The following RASGEF1C variants were observed in gnomAD, a reference collection of about 807,000 sequenced individuals.
RASGEF1C encodes ras-GEF domain-containing family member 1C.
RASGEF1C carries 27 observed loss-of-function variants against 58.1 expected under a neutral mutation model. The observed-to-expected ratio is 0.46, with a 90% CI of 0.34 to 0.64. The LOEUF is 0.64. RASGEF1C is among the 30% of genes least tolerant of loss of function. The probability of loss-of-function intolerance (pLI) is 0.01; values close to 1 mark genes in which losing one functional copy is unlikely to be tolerated. For missense variants in RASGEF1C, 502 were observed against 605.1 expected (o/e 0.83, Z 1.79); for synonymous variants, 243 against 246.3 (o/e 0.99, Z 0.13).
intron 1 of RASGEF1C, among the ~76,000 whole-genome samples, chr5:180,154,671 C>T (rs1766824143): frequency 6.6e-6 from 1 of 151,972 alleles, no homozygotes. Context: ...AGCTCTGCCT[C>T]CCAGGTTCAC....
chr5:180,145,802 G>A (rs1002626168), intron 1 of RASGEF1C, among the ~76,000 whole-genome samples: 1 of 152,198 alleles, frequency 6.6e-6, no homozygotes, highest in Admixed American at 6.5e-5. Flanking sequence ...TGGAGCTCAC[G>A]CTTCGAGCAT....
chr5:180,119,294 C>T, intron 8 of RASGEF1C, 52 bp downstream of exon 8: 1 of 1,464,058 alleles, frequency 6.8e-7, no homozygotes, highest in Non-Finnish European at 9.6e-7. Flanking sequence ...CCCACTCCGG[C>T]CTCTCGGGGG....
intron 6 of RASGEF1C, among the ~76,000 whole-genome samples, chr5:180,121,816 C>T (rs886803418): frequency 1.3e-5 from 2 of 152,204 alleles, no homozygotes; most frequent in Non-Finnish European, 1.5e-5. Context: ...AAGTCATGAG[C>T]GTCCGCAAGC....
At chr5:180,118,956 GGC>G in intron 8 of RASGEF1C, 90 bp from the exon 9 acceptor site, 1 of 1,225,558 alleles carries the variant, frequency 8.2e-7, no homozygotes, top group Non-Finnish European at 1.2e-6. Flanking sequence ...CCCTGACCAG[GGC>G]TGAGGTCTGC....
intron 1 of RASGEF1C, among the ~76,000 whole-genome samples, chr5:180,202,935 C>T (rs1286054933): frequency 1.3e-5 from 2 of 152,056 alleles, no homozygotes; most frequent in Admixed American, 6.6e-5. Flanking sequence ...ATCTCCTGAC[C>T]TCGTGATGCA....
intron 1 of RASGEF1C, among the ~76,000 whole-genome samples, chr5:180,170,323 G>A (rs1460058794): frequency 6.6e-6 from 1 of 152,184 alleles, no homozygotes; most frequent in East Asian, 1.9e-4. Flanking sequence ...CCAGGAGGCA[G>A]CTGCAAGGAG....
intron 1 of RASGEF1C, among the ~76,000 whole-genome samples, chr5:180,179,913 T>C (rs1411064547): frequency 6.6e-6 from 1 of 152,236 alleles, no homozygotes; most frequent in Admixed American, 6.5e-5. Flanking sequence ...TCTACATTCC[T>C]GGCTTTGCGT....
chr5:180,202,714 T>G (rs1756415169), intron 1 of RASGEF1C, among the ~76,000 whole-genome samples: 1 of 151,738 alleles, frequency 6.6e-6, no homozygotes, highest in Admixed American at 6.6e-5. Flanking sequence ...TTCTTTTTTT[T>G]TTTTTTTTGA....
At chr5:180,171,081 C>A (rs927325124) in intron 1 of RASGEF1C, among the ~76,000 whole-genome samples, 1 of 152,144 alleles carries the variant, frequency 6.6e-6, no homozygotes, top group Non-Finnish European at 1.5e-5. Flanking sequence ...GAGACGCGTG[C>A]AGCCAGGCAC....
At chr5:180,178,693 A>G (rs1233229097) in intron 1 of RASGEF1C, among the ~76,000 whole-genome samples, 3 of 152,158 alleles carry the variant, frequency 2.0e-5, no homozygotes. Flanking sequence ...GAAGTGCACC[A>G]TCACCAGCTG....
At chr5:180,181,691 G>GC (rs1767330500) in intron 1 of RASGEF1C, among the ~76,000 whole-genome samples, 4 of 152,210 alleles carry the variant, frequency 2.6e-5, no homozygotes, top group African/African-American at 4.8e-5. Context: ...TGTCCCATGA[G>GC]CCCCTGATCC....
Position 180,186,857 on chromosome 5 carries a change from T to C in RASGEF1C, c.-7+22171A>G, listed in dbSNP as rs553027393. On this transcript the variant is annotated intron_variant, in intron 1 of 13. Coordinates refer to ENST00000361132, the MANE Select transcript of RASGEF1C (RefSeq NM_175062.4). ...GGCACATGCCTGTAATGCCAGCTTC[T>C]CAGGAGGCTGAGGCAGAAGGTGGAG... Among the ~76,000 whole-genome samples the C allele has an allele frequency of 3.9e-5, 6 of 152,192 alleles. No individual in the cohort carries two copies. The South Asian group carries it at 1.0e-3, about 26-fold the overall frequency.
At chr5:180,111,378 A>G (rs1231284030) in intron 12 of RASGEF1C, 79 bp downstream of exon 12, 49 of 1,591,984 alleles carry the variant, frequency 3.1e-5, no homozygotes, top group Non-Finnish European at 4.0e-5. Flanking sequence ...TACTCAGAGC[A>G]GGGGTCCTGA....
chr5:180,201,728 C>G (rs761389775), intron 1 of RASGEF1C, among the ~76,000 whole-genome samples: 1 of 152,176 alleles, frequency 6.6e-6, no homozygotes, highest in South Asian at 2.1e-4. Flanking sequence ...CATTTGGGGG[C>G]GGGGGCCTTT....
rs550546503 is a variant in RASGEF1C, at chr5:180,155,443, T to G, written c.-6-17385A>C. ...CGGAGGCTGAGAATGCACCTGGCCT[T>G]GCCTTCAGGAGGGCAACGCGCTTGG... On this transcript the variant is annotated intron_variant, in intron 1 of 13. Coordinates refer to ENST00000361132, the MANE Select transcript of RASGEF1C (RefSeq NM_175062.4). This position sits in a 1 kb window ranked among gnomAD's most constrained non-coding sequence, Gnocchi z 5.2. Among the ~76,000 whole-genome samples, 7 of 152,236 alleles carry G rather than the reference T, an allele frequency of 4.6e-5. No homozygotes were observed. The highest frequency in any genetic ancestry group is 1.0e-4 in the Non-Finnish European group (7 of 68,002).
chr5:180,185,452 G>C (rs1243382162), intron 1 of RASGEF1C, among the ~76,000 whole-genome samples: 2 of 152,116 alleles, frequency 1.3e-5, no homozygotes, highest in Non-Finnish European at 2.9e-5. Context: ...GGGCATGGTG[G>C]TGTGTGCCTG....
At chr5:180,165,795 G>C (rs1186890564) in intron 1 of RASGEF1C, among the ~76,000 whole-genome samples, 1 of 130,480 alleles carries the variant, frequency 7.7e-6, no homozygotes, top group Non-Finnish European at 1.6e-5. Context: ...TGTCACCCAG[G>C]CTGGAGTGCA....
chr5:180,131,334 C>T (rs955221815), intron 4 of RASGEF1C, among the ~76,000 whole-genome samples: 3 of 152,122 alleles, frequency 2.0e-5, no homozygotes, highest in Non-Finnish European at 4.4e-5. Context: ...ACAGGTCACT[C>T]CTCCGCCCCT....
rs1767242727 is a variant in RASGEF1C, at chr5:180,177,154, G to A, written c.-7+31874C>T. Among the ~76,000 whole-genome samples, 1 of 152,204 alleles carries A rather than the reference G, an allele frequency of 6.6e-6. No homozygotes were observed. Among genetic ancestry groups the A allele is most frequent in the Non-Finnish European group, 1.5e-5 (1 of 68,026 alleles). ...GAGCCTGACGGAGGGGCTGGATGAG[G>A]GGCAGTGGGATGGGGGGCTGGCTGG... On this transcript the variant is annotated intron_variant, in intron 1 of 13. Transcript: ENST00000361132. The surrounding 1 kb of genome is among the most constrained non-coding windows in gnomAD (Gnocchi z 5.0).
Sources: allele counts gnomAD v4.1 joint callset (sites outside exome capture counted in the v4.1 genomes callset), GRCh38; gene constraint gnomAD v4.1.1; non-coding constraint Gnocchi (gnomAD v3.1); transcripts MANE v1.5; gene names NCBI Gene and HGNC (gene_info 2026-07-23, HGNC 2026-07-21).